The following ADGRL2 variants were observed in gnomAD, a reference collection of about 807,000 sequenced individuals.
ADGRL2 encodes adhesion G protein-coupled receptor L2, also known as calcium-independent alpha-latrotoxin receptor 2.
A neutral mutation model predicts 157.4 loss-of-function variants in ADGRL2; 44 were observed. The observed-to-expected ratio is 0.28, with a 90% CI of 0.22 to 0.36. The LOEUF is 0.36. Among genes scored for constraint, ADGRL2 ranks in the 10% least tolerant of loss-of-function variants. The probability of loss-of-function intolerance (pLI) is 1.00; values close to 1 mark genes in which losing one functional copy is unlikely to be tolerated. For missense variants in ADGRL2, 1,510 were observed against 1,768.9 expected (o/e 0.85, Z 2.63); for synonymous variants, 585 against 624.7 (o/e 0.94, Z 0.95).
At chr1:81,437,849 T>C (rs577961554) in intron 1 of ADGRL2, among the ~76,000 whole-genome samples, 6 of 152,288 alleles carry the variant, frequency 3.9e-5, no homozygotes, top group Admixed American at 6.5e-5. Flanking sequence ...ACAGAGAATA[T>C]AAATTTAGCT....
At chr1:81,606,096 G>A (rs1217548138) in intron 3 of ADGRL2, among the ~76,000 whole-genome samples, 5 of 152,064 alleles carry the variant, frequency 3.3e-5, no homozygotes, top group African/African-American at 4.8e-5. Flanking sequence ...ATAGCTTGTC[G>A]TGAGCTCCTC....
chr1:81,543,055 T>A (rs921225156), intron 2 of ADGRL2, among the ~76,000 whole-genome samples: 6 of 152,094 alleles, frequency 3.9e-5, no homozygotes, highest in Non-Finnish European at 1.5e-5. Context: ...CTTAATAATA[T>A]GCTAACATTT....
At chr1:81,569,066 A>T (rs1421882161) in intron 2 of ADGRL2, among the ~76,000 whole-genome samples, 1 of 152,110 alleles carries the variant, frequency 6.6e-6, no homozygotes, top group African/African-American at 2.4e-5. Flanking sequence ...TTATTTCCCT[A>T]CCTCAACCCC....
intron 2 of ADGRL2, among the ~76,000 whole-genome samples, chr1:81,538,589 C>T (rs963944775): frequency 6.6e-6 from 1 of 152,314 alleles, no homozygotes; most frequent in East Asian, 1.9e-4. Flanking sequence ...TACATGGAAT[C>T]TCTGGATACA....
At chr1:81,639,100 C>T (rs1396300849) in intron 3 of ADGRL2, among the ~76,000 whole-genome samples, 1 of 152,184 alleles carries the variant, frequency 6.6e-6, no homozygotes, top group Non-Finnish European at 1.5e-5. Context: ...GACGGAGTCT[C>T]ACTGTATTGC....
intron 3 of ADGRL2, among the ~76,000 whole-genome samples, chr1:81,626,718 C>A (rs1173747649): frequency 6.6e-6 from 1 of 152,208 alleles, no homozygotes; most frequent in East Asian, 1.9e-4. Flanking sequence ...GTGGGAGACA[C>A]TCTGAGGCCT....
At chr1:81,836,110 A>G (rs2092265971) in intron 1 of ADGRL2, among the ~76,000 whole-genome samples, 1 of 152,058 alleles carries the variant, frequency 6.6e-6, no homozygotes, top group Non-Finnish European at 1.5e-5. Context: ...CATCGAAATG[A>G]TGTAATGAGT....
intron 1 of ADGRL2, among the ~76,000 whole-genome samples, chr1:81,707,558 C>T (rs923753410): frequency 6.6e-6 from 1 of 152,152 alleles, no homozygotes; most frequent in Non-Finnish European, 1.5e-5. Context: ...GTCTCCCTAC[C>T]TTATTAGGCT....
chr1:81,968,816 AATC>A (rs1657892529), intron 14 of ADGRL2, among the ~76,000 whole-genome samples: 3 of 152,224 alleles, frequency 2.0e-5, no homozygotes, highest in African/African-American at 7.2e-5. Context: ...AGCTTGGAAA[AATC>A]ATTAAAATGT....
intron 1 of ADGRL2, among the ~76,000 whole-genome samples, chr1:81,701,679 C>T (rs950992664): frequency 1.3e-5 from 2 of 152,266 alleles, no homozygotes; most frequent in African/African-American, 4.8e-5. Context: ...GCCCAAGTTC[C>T]CCAAATCTGG....
chr1:81,966,373 G>A, intron 12 of ADGRL2, 31 bp from the exon 13 acceptor site: 3 of 1,591,888 alleles, frequency 1.9e-6, no homozygotes, highest in East Asian at 2.2e-5. Flanking sequence ...CATGTTTTTT[G>A]TACATCATGT....
At chr1:81,549,628 T>C (rs1557450447) in intron 2 of ADGRL2, among the ~76,000 whole-genome samples, 1 of 152,184 alleles carries the variant, frequency 6.6e-6, no homozygotes. Context: ...TCTGGCACCA[T>C]TGAGAAGAAC....
At chr1:81,989,244 T>C (rs555794325) in intron 23 of ADGRL2, among the ~76,000 whole-genome samples, 1 of 152,306 alleles carries the variant, frequency 6.6e-6, no homozygotes, top group East Asian at 1.9e-4. Context: ...TAAAAATATA[T>C]TAGCCAAGGC....
intron 2 of ADGRL2, among the ~76,000 whole-genome samples, chr1:81,459,788 GTA>G (rs141585595): frequency 0.68 from 101,178 of 147,948 alleles, 35,378 homozygotes; most frequent in Middle Eastern, 0.76. Context: ...ATGTGTGTGT[GTA>G]TATATATATA....
intron 3 of ADGRL2, among the ~76,000 whole-genome samples, chr1:81,593,153 C>T (rs746202410): frequency 3.9e-4 from 59 of 152,118 alleles, no homozygotes; most frequent in Admixed American, 3.9e-4. Flanking sequence ...TTTGTCAAAA[C>T]CAGAACTAAC....
intron 3 of ADGRL2, among the ~76,000 whole-genome samples, chr1:81,907,615 T>A (rs560778141): frequency 1.1e-4 from 16 of 152,080 alleles, no homozygotes; most frequent in South Asian, 6.3e-4. Context: ...TTTTTTTTTT[T>A]AAATTAATAA....
At chr1:81,697,060 C>T (rs1465111121), upstream of ADGRL2, among the ~76,000 whole-genome samples, 1 of 152,068 alleles carries the variant, frequency 6.6e-6, no homozygotes, top group East Asian at 1.9e-4. Context: ...CTCATATGTT[C>T]CTAGAAGATA....
At chr1:81,519,274 G>T (rs1277459160) in intron 2 of ADGRL2, among the ~76,000 whole-genome samples, 2 of 152,128 alleles carry the variant, frequency 1.3e-5, no homozygotes, top group Admixed American at 6.5e-5. Flanking sequence ...ATTCCCAAAA[G>T]CTGAGTCTAC....
At chr1:81,522,071 T>C (rs892418843) in intron 2 of ADGRL2, among the ~76,000 whole-genome samples, 1 of 151,908 alleles carries the variant, frequency 6.6e-6, no homozygotes, top group African/African-American at 2.4e-5. Flanking sequence ...TTCCGGCGAT[T>C]CTCCTTCCTC....
Sources: gnomAD v4.1 joint callset for allele counts (sites outside exome capture counted in the v4.1 genomes callset) on GRCh38, gnomAD v4.1.1 for gene constraint, MANE v1.5 for transcripts, NCBI Gene and HGNC (gene_info 2026-07-23, HGNC 2026-07-21) for gene names.